The following SMAD1 variants were observed in gnomAD, a reference collection of about 807,000 sequenced individuals.
The protein encoded by SMAD1 is MAD, mothers against decapentaplegic homolog 1.
SMAD1 carries 6 observed loss-of-function variants against 41.6 expected under a neutral mutation model. The observed-to-expected ratio is 0.14, with a 90% CI of 0.08 to 0.28. SMAD1 has a LOEUF of 0.28. Among genes scored for constraint, SMAD1 ranks in the 10% least tolerant of loss-of-function variants. The pLI is 1.00. For missense variants in SMAD1, 379 were observed against 582.6 expected, an observed-to-expected ratio of 0.65 and a Z score of 3.60; for synonymous variants, 206 against 203.2, an observed-to-expected ratio of 1.01 and a Z score of -0.12.
chr4:145,523,491 A>G (rs1306050450), intron 2 of SMAD1, among the ~76,000 whole-genome samples: 1 of 152,250 alleles, frequency 6.6e-6, no homozygotes, highest in Non-Finnish European at 1.5e-5. Flanking sequence ...GGAAAATACA[A>G]TGAAAGATCA....
intron 2 of SMAD1, among the ~76,000 whole-genome samples, chr4:145,521,980 T>TA (rs1036791402): frequency 6.6e-6 from 1 of 151,478 alleles, no homozygotes; most frequent in African/African-American, 2.4e-5. Context: ...CACAGAATAT[T>TA]AAAAAGACGA....
chr4:145,552,511 G>A (rs2126551246), intron 5 of SMAD1, among the ~76,000 whole-genome samples: 1 of 152,108 alleles, frequency 6.6e-6, no homozygotes. Context: ...TTAAAGGCAG[G>A]GTAGGCCCAA....
At chr4:145,499,348 C>A (rs75714175) in intron 1 of SMAD1, among the ~76,000 whole-genome samples, 1 of 152,178 alleles carries the variant, frequency 6.6e-6, no homozygotes, top group Non-Finnish European at 1.5e-5. Flanking sequence ...ATTGGCCAGG[C>A]ATGGTGGTTC....
At chr4:145,516,060 A>C (rs1382644128) in intron 2 of SMAD1, among the ~76,000 whole-genome samples, 1 of 152,234 alleles carries the variant, frequency 6.6e-6, no homozygotes, top group African/African-American at 2.4e-5. Flanking sequence ...CAGTAGTATA[A>C]CAAACATCTC....
chr4:145,481,631 GCTCCGGCCGCTCCCCCGCGCCGTC>G (rs1336439167), upstream of SMAD1: 2 of 152,512 alleles, frequency 1.3e-5, no homozygotes, highest in African/African-American at 4.8e-5. Flanking sequence ...GAAGGGGGTG[GCTCCGGCCGCTCCCCCGCGCCGTC>G]CTCCGGCCCC....
intron 1 of SMAD1, among the ~76,000 whole-genome samples, chr4:145,507,044 T>G (rs1729827436): frequency 6.6e-6 from 1 of 152,176 alleles, no homozygotes; most frequent in Non-Finnish European, 1.5e-5. Flanking sequence ...AGGAAAACGT[T>G]CTGAGTTCAG....
Position 145,559,007 on chromosome 4 carries a change from T to C in SMAD1, c.*1073T>C, listed in dbSNP as rs1732994077. On this transcript the variant is annotated 3_prime_UTR_variant, in exon 7 of 7. Transcript: ENST00000302085. ...AAAGAACATCCCAGTTTGAATTCATTTCAAACTTTTTAAATTTTTTTGTAC... is the reference window on the plus strand; with the variant it reads ...AAAGAACATCCCAGTTTGAATTCATCTCAAACTTTTTAAATTTTTTTGTAC... Among the ~76,000 whole-genome samples the C allele has an allele frequency of 6.6e-6, 1 of 152,212 alleles. No homozygotes were observed.
In SMAD1 at chr4:145,497,159, A is replaced by T. The variant is rs546062050; in HGVS notation, c.-177+15121A>T. The T allele has an allele frequency of 3.3e-5, 5 of 152,236 alleles. No individual in the cohort carries two copies. The South Asian group carries it at 8.3e-4, about 25-fold the overall frequency. The allele number at this position is 152,236 out of a possible 1,614,324, so 9.4% of individuals were successfully genotyped here. On this transcript the variant is annotated intron_variant, in intron 1 of 6. Coordinates refer to ENST00000302085, the MANE Select transcript of SMAD1 (RefSeq NM_005900.3). ...TAAAAGCTTTGATGAATCATAATAC[A>T]TTGTAGAAGCAATAGTTAATTACTA...
intron 2 of SMAD1, among the ~76,000 whole-genome samples, chr4:145,532,859 A>G (rs1350987303): frequency 1.3e-5 from 2 of 152,242 alleles, no homozygotes; most frequent in African/African-American, 4.8e-5. Context: ...GCAAATCCTC[A>G]TTCTTTAGGC....
In SMAD1 at chr4:145,487,140, G is replaced by A. The variant is rs189040664; in HGVS notation, c.-177+5102G>A. 4.4e-3 allele frequency among the ~76,000 whole-genome samples: 670 copies of A among 152,192 alleles called. 2 individuals are homozygous for A. Among genetic ancestry groups the A allele is most frequent in the Non-Finnish European group, 6.5e-3 (439 of 67,982 alleles). ...GCCCTATATCTAATTTAATCAATGA[G>A]ACCTTATTAGAAAATGGGAGATCCA... is the stretch of plus-strand genomic sequence containing the variant. On this transcript the variant is annotated intron_variant, in intron 1 of 6. Coordinates refer to ENST00000302085, the MANE Select transcript of SMAD1 (RefSeq NM_005900.3).
chr4:145,522,683 TG>T (rs1730814086), intron 2 of SMAD1, among the ~76,000 whole-genome samples: 1 of 151,860 alleles, frequency 6.6e-6, no homozygotes, highest in Non-Finnish European at 1.5e-5. Context: ...TTTGTTTTTT[TG>T]TTTTTTTTAA....
chr4:145,534,496 G>C (rs1489784140), intron 2 of SMAD1, among the ~76,000 whole-genome samples: 2 of 152,164 alleles, frequency 1.3e-5, no homozygotes, highest in Non-Finnish European at 2.9e-5. Flanking sequence ...CTGTGAGAGG[G>C]GCTGGCCCCT....
At position 145,558,426 on chromosome 4, in the gene SMAD1, G is replaced by A. The variant is rs753447638; in HGVS notation, c.*492G>A. 2.0e-5 allele frequency among the ~76,000 whole-genome samples: 3 copies of A among 152,236 alleles called. No individual in the cohort carries two copies. The highest frequency in any genetic ancestry group is 4.8e-5 in the African/African-American group (2 of 41,532). On this transcript the variant is annotated 3_prime_UTR_variant, in exon 7 of 7. Transcript: ENST00000302085. ...TATTTGTTTAGCGATGGTTTTGTTC[G>A]TTTAAGTAAAGGTTAATCTTGATGA...
At chr4:145,555,943 A>C (rs1012883145) in intron 6 of SMAD1, among the ~76,000 whole-genome samples, 7 of 152,202 alleles carry the variant, frequency 4.6e-5, no homozygotes, top group Non-Finnish European at 8.8e-5. Context: ...TTATTTAAAA[A>C]TCCTGCTGAA....
intron 2 of SMAD1, among the ~76,000 whole-genome samples, chr4:145,536,704 G>C (rs2126501515): frequency 6.6e-6 from 1 of 152,260 alleles, no homozygotes; most frequent in South Asian, 2.1e-4. Context: ...AAGCAAAATG[G>C]ATGCTAAATA....
chr4:145,545,585 A>G (rs934738599), intron 4 of SMAD1: 1 of 140,416 alleles, frequency 7.1e-6, no homozygotes, highest in African/African-American at 2.7e-5. Context: ...TGTGTTTGTT[A>G]TTGTTGTTTT....
At chr4:145,542,105 A>C (rs780792035) in intron 3 of SMAD1, among the ~76,000 whole-genome samples, 2 of 152,234 alleles carry the variant, frequency 1.3e-5, no homozygotes, top group Non-Finnish European at 2.9e-5. Flanking sequence ...TAACAGTTCA[A>C]ATCAGTAGGC....
intron 1 of SMAD1, among the ~76,000 whole-genome samples, chr4:145,490,416 C>T (rs573803467): frequency 4.6e-5 from 7 of 152,284 alleles, no homozygotes; most frequent in Non-Finnish European, 8.8e-5. Flanking sequence ...AGAAGAACCA[C>T]CGTAGGTAGT....
chr4:145,530,190 A>G (rs1043552479), intron 2 of SMAD1, among the ~76,000 whole-genome samples: 4 of 152,234 alleles, frequency 2.6e-5, no homozygotes, highest in African/African-American at 7.2e-5. Context: ...CAGATGCTAC[A>G]ATGAAAGTCT....
Sources: allele counts gnomAD v4.1 joint callset (sites outside exome capture counted in the v4.1 genomes callset), GRCh38; gene constraint gnomAD v4.1.1; transcripts MANE v1.5; gene names NCBI Gene and HGNC (gene_info 2026-07-23, HGNC 2026-07-21).